Variants in ITGA8 observed in about 807,000 individuals in gnomAD.
ITGA8 encodes integrin subunit alpha 8.
In ITGA8, 91 loss-of-function variants were observed where a neutral mutation model predicts 142.3. The observed-to-expected ratio is 0.64, with a 90% CI of 0.54 to 0.76. The LOEUF is 0.76. ITGA8 is among the 30% of genes least tolerant of loss of function. The probability of loss-of-function intolerance (pLI) is 0.00; values close to 1 mark genes in which losing one functional copy is unlikely to be tolerated. For synonymous variants in ITGA8, 505 were observed against 485.2 expected (o/e 1.04, Z -0.54); for missense variants, 1,406 against 1,327.7 (o/e 1.06, Z -0.92).
At chr10:15,595,683 C>T (rs551609705) in intron 21 of ITGA8, among the ~76,000 whole-genome samples, 77 of 152,266 alleles carry the variant, frequency 5.1e-4, no homozygotes, top group Middle Eastern at 3.4e-3. Context: ...GAAAAAGGAA[C>T]GAGTGGTCCA....
At chr10:15,524,657 G>A (rs373967962) in intron 28 of ITGA8, among the ~76,000 whole-genome samples, 1 of 152,350 alleles carries the variant, frequency 6.6e-6, no homozygotes, top group East Asian at 1.9e-4. Context: ...TCCACGCTCT[G>A]TATAGATAAA....
chr10:15,546,308 T>A (rs1294894054), intron 27 of ITGA8, among the ~76,000 whole-genome samples: 1 of 152,240 alleles, frequency 6.6e-6, no homozygotes, highest in Admixed American at 6.5e-5. Context: ...GTCTGTTGTG[T>A]TCACAGCTAT....
chr10:15,554,536 C>T lies in ITGA8; in HGVS notation c.2766+3538G>A, dbSNP rs560814400. Among the ~76,000 whole-genome samples the T allele has an allele frequency of 3.1e-4, 47 of 152,284 alleles. No homozygotes were observed. In the East Asian group the frequency reaches 8.5e-3, roughly 28 times the overall value. On this transcript the variant is annotated intron_variant, in intron 26 of 29. Transcript: ENST00000378076. ...TGTATTGGAACTCTGTGTCTGTCCT[C>T]CCCACCATGTGTGCACCCACACACT...
chr10:15,535,225 C>T (rs1489064539), intron 27 of ITGA8, among the ~76,000 whole-genome samples: 1 of 152,136 alleles, frequency 6.6e-6, no homozygotes, highest in African/African-American at 2.4e-5. Context: ...CCCCCACCCT[C>T]CGTGGGCTCC....
intron 16 of ITGA8, 51 bp downstream of exon 16, chr10:15,608,184 G>C: frequency 7.8e-7 from 1 of 1,284,200 alleles, no homozygotes; most frequent in Admixed American, 1.9e-5. Context: ...AATGGTTACT[G>C]TTCAACTTTC....
At chr10:15,577,326 C>T (rs1010189399) in intron 23 of ITGA8, among the ~76,000 whole-genome samples, 1 of 151,960 alleles carries the variant, frequency 6.6e-6, no homozygotes, top group Non-Finnish European at 1.5e-5. Context: ...ATCGTCAAAA[C>T]CCTTCATTTT....
At chr10:15,544,309 A>C (rs1161823356) in intron 27 of ITGA8, among the ~76,000 whole-genome samples, 6 of 150,286 alleles carry the variant, frequency 4.0e-5, no homozygotes, top group Non-Finnish European at 7.4e-5. Context: ...ACCAAAAAAA[A>C]ACAAAACAAA....
intron 4 of ITGA8, 52 bp downstream of exon 4, chr10:15,683,952 G>A (rs1834788619): frequency 7.5e-6 from 12 of 1,609,160 alleles, no homozygotes; most frequent in East Asian, 2.2e-5. Flanking sequence ...TCCTGTCTAC[G>A]ATAGAAAAGC....
chr10:15,673,378 C>T lies in ITGA8; in HGVS notation c.677-629G>A, dbSNP rs192741572. Among the ~76,000 whole-genome samples, 594 of 152,116 alleles carry T rather than the reference C, an allele frequency of 3.9e-3. 4 individuals carry two copies. The highest frequency in any genetic ancestry group is 0.013 in the African/African-American group (530 of 41,490). ...GATTACAGGTGTGAGCCACAGCGCC[C>T]GGCCATGATGTAATTTTTATTCTGG... On this transcript the variant is annotated intron_variant, in intron 6 of 29. Coordinates refer to ENST00000378076, the MANE Select transcript of ITGA8 (RefSeq NM_003638.3).
At chr10:15,615,270 G>A (rs1280750262) in intron 14 of ITGA8, among the ~76,000 whole-genome samples, 1 of 152,156 alleles carries the variant, frequency 6.6e-6, no homozygotes, top group Admixed American at 6.5e-5. Flanking sequence ...CACCTTGAGG[G>A]TTTTGACTGT....
chr10:15,657,335 A>G lies in ITGA8; in HGVS notation c.948+1664T>C, dbSNP rs1484801227. On this transcript the variant is annotated intron_variant, in intron 10 of 29. Coordinates refer to ENST00000378076, the MANE Select transcript of ITGA8 (RefSeq NM_003638.3). ...GTTTCAAACAGTTCAATATCTATTCAACTTCCCGCTCATCTCAGTCTTATT... is the reference window on the plus strand; with the variant it reads ...GTTTCAAACAGTTCAATATCTATTCGACTTCCCGCTCATCTCAGTCTTATT... Among the ~76,000 whole-genome samples the G allele has an allele frequency of 3.3e-5, 5 of 152,284 alleles. No individual in the cohort carries two copies. The East Asian group carries it at 9.6e-4, about 29-fold the overall frequency.
chr10:15,684,055 C>T lies in ITGA8; in HGVS notation c.517G>A (p.Val173Ile), dbSNP rs1834791554. The T allele has an allele frequency of 6.2e-7, 1 of 1,614,064 alleles. No homozygotes were observed. The highest frequency in any genetic ancestry group is 1.1e-5 in the South Asian group (1 of 91,096). ...PEKDPVGTCY[V>I]AIQNFSAYAE... is the part of the protein sequence containing the mutation. Reference sequence around the variant, plus strand: ...TAGGCGCTGAAGTTCTGAATTGCTACATAGCAGGTGCCAACTGGGTCCTTT... The same window carrying T: ...TAGGCGCTGAAGTTCTGAATTGCTATATAGCAGGTGCCAACTGGGTCCTTT... The change falls in exon 4 of 30, where the codon GTA becomes ATA. Residue 173 changes from valine to isoleucine, a missense_variant. Transcript: ENST00000378076.
intron 29 of ITGA8, among the ~76,000 whole-genome samples, chr10:15,518,562 A>G (rs1342079720): frequency 6.6e-6 from 1 of 152,268 alleles, no homozygotes; most frequent in East Asian, 1.9e-4. Flanking sequence ...GGAAAACCAC[A>G]TAGTTATCAA....
intron 28 of ITGA8, among the ~76,000 whole-genome samples, chr10:15,520,233 GA>G (rs1487186337): frequency 1.3e-5 from 2 of 152,082 alleles, no homozygotes; most frequent in African/African-American, 4.8e-5. Context: ...GCAACATGGT[GA>G]AACCCCATCT....
intron 13 of ITGA8, among the ~76,000 whole-genome samples, chr10:15,635,967 T>C (rs912955373): frequency 7.1e-6 from 1 of 140,450 alleles, no homozygotes; most frequent in Non-Finnish European, 1.6e-5. Context: ...AGAGCACTCA[T>C]TGAAAAGATA....
At chr10:15,680,914 C>T (rs961152305) in intron 4 of ITGA8, among the ~76,000 whole-genome samples, 1 of 151,014 alleles carries the variant, frequency 6.6e-6, no homozygotes, top group Non-Finnish European at 1.5e-5. Flanking sequence ...TTTATGAGAG[C>T]TGAAGGACTC....
intron 2 of ITGA8, among the ~76,000 whole-genome samples, chr10:15,690,795 A>G (rs1219704996): frequency 1.3e-5 from 2 of 152,198 alleles, no homozygotes; most frequent in Admixed American, 6.5e-5. Context: ...CAGCTGAAGA[A>G]GCTTCAGAGA....
At chr10:15,613,567 C>A (rs899396652) in intron 15 of ITGA8, 93 bp downstream of exon 15, 1 of 921,366 alleles carries the variant, frequency 1.1e-6, no homozygotes, top group African/African-American at 1.6e-5. Context: ...TAGGCCCTAC[C>A]CCAGACTTAC....
intron 4 of ITGA8, among the ~76,000 whole-genome samples, chr10:15,679,485 G>C (rs1834695722): frequency 6.6e-6 from 1 of 152,178 alleles, no homozygotes; most frequent in Non-Finnish European, 1.5e-5. Context: ...GAGAGGCTGA[G>C]GCAGGAGAAT....
Sources: allele counts gnomAD v4.1 joint callset (sites outside exome capture counted in the v4.1 genomes callset), GRCh38; gene constraint gnomAD v4.1.1; transcripts MANE v1.5; gene names NCBI Gene and HGNC (gene_info 2026-07-23, HGNC 2026-07-21).